Variants in PCBP3 observed in about 807,000 individuals in gnomAD.
PCBP3 encodes poly(rC)-binding protein 3.
In PCBP3, 25 loss-of-function variants were observed where a neutral mutation model predicts 52.7. The observed-to-expected ratio is 0.47, with a 90% confidence interval of 0.35 to 0.66. PCBP3 has a LOEUF of 0.66. Among genes scored for constraint, PCBP3 ranks in the 30% least tolerant of loss-of-function variants. The pLI is 0.01. For synonymous variants in PCBP3, 162 were observed against 183.0 expected (o/e 0.89, Z 0.93); for missense variants, 391 against 490.3 (o/e 0.80, Z 1.91).
At chr21:45,849,940 C>A (rs2093930153) in intron 4 of PCBP3, 21 bp from the exon 5 acceptor site, 1 of 744,866 alleles carries the variant, frequency 1.3e-6, no homozygotes, top group Non-Finnish European at 2.4e-6. Context: ...GCTCACACAG[C>A]CCTGTGTTTT....
chr21:45,773,989 G>A (rs1408995348), intron 4 of PCBP3, among the ~76,000 whole-genome samples: 1 of 152,118 alleles, frequency 6.6e-6, no homozygotes, highest in Non-Finnish European at 1.5e-5. Context: ...TGTAGCTGTT[G>A]TAAATGTGAT....
At position 45,913,964 on chromosome 21, in the gene PCBP3, G is replaced by T; in HGVS notation, c.614G>T (p.Gly205Val). ...CVVMLESPPK[G>V]ATIPYRPKPA... The stretch of plus-strand genomic sequence containing the variant: ...CCCTTTTCCTAGTCCCCACCGAAAG[G>T]TGCCACCATTCCCTACCGCCCAAAG... The change falls in exon 12 of 18, where the codon GGT becomes GTT. Residue 205 changes from glycine to valine, a missense_variant. By Grantham distance (109) the Gly-to-Val change is moderately radical. Transcript: ENST00000681687. 1 of 1,612,690 alleles carries T rather than the reference G, an allele frequency of 6.2e-7. No homozygotes were observed. Among genetic ancestry groups the T allele is most frequent in the South Asian group, 1.1e-5 (1 of 90,940 alleles).
At chr21:45,769,619 ACT>A (rs1474472350) in intron 4 of PCBP3, among the ~76,000 whole-genome samples, 3 of 152,090 alleles carry the variant, frequency 2.0e-5, no homozygotes, top group Non-Finnish European at 4.4e-5. Flanking sequence ...CTTCTCTGAA[ACT>A]CTGGGTTGGC....
At chr21:45,881,780 T>C (rs2095411949) in intron 5 of PCBP3, among the ~76,000 whole-genome samples, 1 of 152,152 alleles carries the variant, frequency 6.6e-6, no homozygotes, top group Admixed American at 6.5e-5. Context: ...GATGCACTTT[T>C]TTAGATTCCA....
In PCBP3 at chr21:45,831,749, C is replaced by T. The variant is rs186861917; in HGVS notation, c.-125-18212C>T. On this transcript the variant is annotated intron_variant, in intron 4 of 17. Coordinates refer to ENST00000681687, the MANE Select transcript of PCBP3 (RefSeq NM_001384156.1). ...TATTTTAGACAGAGTTTCGCTCTGT[C>T]GCCCAGGCTGGAGTGCAGTGGCGCA... Among the ~76,000 whole-genome samples, 38 of 152,294 alleles carry T rather than the reference C, an allele frequency of 2.5e-4. No individual in the cohort carries two copies. In the East Asian group the frequency reaches 4.1e-3, roughly 16 times the overall value.
chr21:45,677,572 A>G (rs910945616), intron 2 of PCBP3, among the ~76,000 whole-genome samples: 5 of 152,372 alleles, frequency 3.3e-5, no homozygotes, highest in African/African-American at 4.8e-5. Context: ...AATGTAGACA[A>G]AATAGCCTTC....
chr21:45,729,563 A>T (rs55986027), intron 2 of PCBP3, among the ~76,000 whole-genome samples: 2,183 of 152,248 alleles, frequency 0.014, 60 homozygotes, highest in African/African-American at 0.05. Flanking sequence ...CACTTCTGTT[A>T]GACTTTTTTG....
chr21:45,663,177 C>G (rs2080530199), intron 1 of PCBP3, among the ~76,000 whole-genome samples: 1 of 152,164 alleles, frequency 6.6e-6, no homozygotes, highest in Non-Finnish European at 1.5e-5. Flanking sequence ...CTCTCTCTCT[C>G]TCTCTCCACC....
At chr21:45,739,691 G>GC (rs946888329) in intron 3 of PCBP3, among the ~76,000 whole-genome samples, 3 of 119,778 alleles carry the variant, frequency 2.5e-5, no homozygotes, top group Non-Finnish European at 5.0e-5. Flanking sequence ...CCTCTGGGTG[G>GC]CCCCCCCATC....
At chr21:45,813,803 C>G (rs2092750190) in intron 4 of PCBP3, among the ~76,000 whole-genome samples, 1 of 152,184 alleles carries the variant, frequency 6.6e-6, no homozygotes, top group African/African-American at 2.4e-5. Context: ...CCCAATAACC[C>G]CAATGTGTCT....
intron 16 of PCBP3, among the ~76,000 whole-genome samples, chr21:45,937,840 CAG>C (rs1055338339): frequency 6.6e-5 from 10 of 152,220 alleles, no homozygotes; most frequent in Non-Finnish European, 1.0e-4. Flanking sequence ...CTTCTCATGG[CAG>C]AGAGTGCCAG....
intron 5 of PCBP3, among the ~76,000 whole-genome samples, chr21:45,861,679 A>G (rs1332503213): frequency 1.3e-5 from 2 of 152,204 alleles, no homozygotes; most frequent in East Asian, 3.9e-4. Context: ...CCGAGGGCAG[A>G]GCCTGCCCAG....
intron 5 of PCBP3, among the ~76,000 whole-genome samples, chr21:45,892,247 G>A (rs954967225): frequency 2.0e-5 from 3 of 152,192 alleles, no homozygotes; most frequent in East Asian, 1.9e-4. Flanking sequence ...CAGAGGGTGC[G>A]GCAGTCACCG....
intron 2 of PCBP3, among the ~76,000 whole-genome samples, chr21:45,691,114 T>C (rs796567371): frequency 4.6e-5 from 7 of 152,010 alleles, no homozygotes; most frequent in African/African-American, 1.7e-4. Flanking sequence ...TAGGAACAAT[T>C]AAAAAATCTA....
At chr21:45,890,466 G>A (rs189177849) in intron 5 of PCBP3, among the ~76,000 whole-genome samples, 49 of 152,192 alleles carry the variant, frequency 3.2e-4, no homozygotes, top group African/African-American at 1.2e-3. Flanking sequence ...CTGGAACTCT[G>A]CACAGCTGAG....
At chr21:45,739,278 C>T (rs1325587128) in intron 3 of PCBP3, among the ~76,000 whole-genome samples, 1 of 131,302 alleles carries the variant, frequency 7.6e-6, no homozygotes, top group African/African-American at 2.9e-5. Flanking sequence ...CTGGATGGCC[C>T]CCCCATCTTC....
At chr21:45,900,670 C>T (rs745675679) in intron 8 of PCBP3, 47 bp downstream of exon 8, 8 of 554,526 alleles carry the variant, frequency 1.4e-5, no homozygotes, top group Admixed American at 6.3e-5. Context: ...CCCGGGTGGG[C>T]GGGGTGGGTC....
chr21:45,812,688 G>T (rs550630722), intron 4 of PCBP3, among the ~76,000 whole-genome samples: 1 of 152,158 alleles, frequency 6.6e-6, no homozygotes, highest in East Asian at 1.9e-4. Flanking sequence ...CACCATGCCC[G>T]GCTGTGAACA....
At chr21:45,808,707 A>G (rs1043565542) in intron 4 of PCBP3, among the ~76,000 whole-genome samples, 9 of 152,238 alleles carry the variant, frequency 5.9e-5, no homozygotes, top group African/African-American at 2.2e-4. Context: ...CCAAAGGATT[A>G]TAAGTCATTC....
Sources: allele counts gnomAD v4.1 joint callset (sites outside exome capture counted in the v4.1 genomes callset), GRCh38; gene constraint gnomAD v4.1.1; transcripts MANE v1.5; gene names NCBI Gene and HGNC (gene_info 2026-07-23, HGNC 2026-07-21).